Variants in CD36 observed in about 807,000 individuals in gnomAD.
CD36 encodes the protein platelet glycoprotein 4.
CD36 carries 119 observed loss-of-function variants against 55.2 expected under a neutral mutation model. The ratio of observed to expected loss-of-function variants is 2.15; its 90% CI spans 1.86 to 2.51. CD36 has a LOEUF of 2.51. CD36 is among the 30% of genes most tolerant of loss of function. CD36 has a pLI of 0.00. For missense variants in CD36, 819 were observed against 555.5 expected (o/e 1.47, Z -4.77); for synonymous variants, 186 against 193.6 (o/e 0.96, Z 0.33).
chr7:80,602,961 A>G (rs1013734062), intron 1 of CD36, among the ~76,000 whole-genome samples: 1 of 152,112 alleles, frequency 6.6e-6, no homozygotes, highest in African/African-American at 2.4e-5. Context: ...AATCTTAACA[A>G]TTTGACTCCT....
intron 12 of CD36, 165 bp downstream of exon 12, chr7:80,673,008 C>T: frequency 1.6e-6 from 1 of 630,208 alleles, no homozygotes; most frequent in Non-Finnish European, 2.9e-6. Context: ...ACTAATTTCA[C>T]AGATTTTGGA....
chr7:80,624,607 A>T (rs1793645855), intron 1 of CD36, among the ~76,000 whole-genome samples: 2 of 152,020 alleles, frequency 1.3e-5, no homozygotes, highest in Non-Finnish European at 2.9e-5. Context: ...GCCATCTTTT[A>T]TTCTTAGGAA....
intron 1 of CD36, among the ~76,000 whole-genome samples, chr7:80,626,567 T>C (rs920946735): frequency 1.3e-5 from 2 of 152,066 alleles, no homozygotes; most frequent in African/African-American, 4.8e-5. Context: ...ATCCAATTAA[T>C]AGATAAATTT....
At chr7:80,642,737 G>T (rs1387029868) in intron 1 of CD36, among the ~76,000 whole-genome samples, 1 of 152,062 alleles carries the variant, frequency 6.6e-6, no homozygotes, top group Non-Finnish European at 1.5e-5. Flanking sequence ...CAATCAATCA[G>T]TTGAAAATTT....
chr7:80,647,768 G>A (rs935667057), intron 3 of CD36, among the ~76,000 whole-genome samples: 5 of 152,140 alleles, frequency 3.3e-5, no homozygotes, highest in Admixed American at 6.5e-5. Context: ...ACTAGACTGT[G>A]TGTTTACTGC....
intron 1 of CD36, among the ~76,000 whole-genome samples, chr7:80,639,176 A>G (rs758717444): frequency 2.6e-5 from 4 of 151,946 alleles, no homozygotes; most frequent in Non-Finnish European, 5.9e-5. Flanking sequence ...CTAATATGCA[A>G]TTATTAACTA....
At chr7:80,645,304 G>A (rs969935278) in intron 1 of CD36, among the ~76,000 whole-genome samples, 4 of 151,060 alleles carry the variant, frequency 2.6e-5, no homozygotes, top group African/African-American at 7.3e-5. Context: ...ACAGGTGTGA[G>A]CCACCACGCC....
intron 1 of CD36, among the ~76,000 whole-genome samples, chr7:80,616,442 T>TGC (rs1417353462): frequency 8.2e-6 from 1 of 121,552 alleles, no homozygotes; most frequent in African/African-American, 3.3e-5. Context: ...TGTGTGTGTG[T>TGC]GTGTGTGCCT....
intron 1 of CD36, among the ~76,000 whole-genome samples, chr7:80,608,996 C>T (rs756372337): frequency 2.0e-5 from 3 of 151,126 alleles, no homozygotes; most frequent in Non-Finnish European, 4.4e-5. Flanking sequence ...TCTGGCCTTC[C>T]CTCCAATCCA....
intron 1 of CD36, among the ~76,000 whole-genome samples, chr7:80,643,754 G>T (rs977723000): frequency 2.6e-5 from 4 of 152,096 alleles, no homozygotes; most frequent in African/African-American, 9.7e-5. Context: ...CTCATTTTAC[G>T]CATGAGGAAA....
chr7:80,646,499 G>A (rs1391273482), intron 2 of CD36, 153 bp from the exon 3 acceptor site: 6 of 499,834 alleles, frequency 1.2e-5, no homozygotes, highest in South Asian at 6.4e-5. Context: ...AAAGGGAGAC[G>A]GACCGAGGAA....
rs1042984577 is a variant in CD36, at chr7:80,678,820, G to A, written c.*2437G>A. 6 of 150,292 alleles carry A rather than the reference G, an allele frequency of 4.0e-5. No individual in the cohort carries two copies. The highest frequency in any genetic ancestry group is 1.2e-4 in the African/African-American group (5 of 40,918). The allele number at this position is 150,292 out of a possible 1,614,324, so 9.3% of individuals were successfully genotyped here. ...GATCGCGTCACTGCACTCCAGCCTG[G>A]TGACAGAGCGAGATTCCATCTCAAA... On this transcript the variant is annotated 3_prime_UTR_variant, in exon 15 of 15. Transcript: ENST00000447544.
At chr7:80,653,301 G>A (rs1417430185) in intron 3 of CD36, among the ~76,000 whole-genome samples, 1 of 152,182 alleles carries the variant, frequency 6.6e-6, no homozygotes, top group East Asian at 1.9e-4. Context: ...TCTACTCCAT[G>A]CGTAGCAAAG....
In CD36 at chr7:80,651,449, C is replaced by A. The variant is rs74297415; in HGVS notation, c.120+4589C>A. Among the ~76,000 whole-genome samples, 1,269 of 151,648 alleles carry A rather than the reference C, an allele frequency of 8.4e-3. 55 individuals carry two copies. The East Asian group carries it at 0.1, about 12-fold the overall frequency. On this transcript the variant is annotated intron_variant, in intron 3 of 14. Coordinates refer to ENST00000447544, the MANE Select transcript of CD36 (RefSeq NM_001001548.3). ...TTCTATAGTTCTAACTATAGAACAC[C>A]AAAAAAGGAATTATAGGTTTCTTTG...
Position 80,644,022 on chromosome 7 carries a change from A to G in CD36, c.-183-2066A>G, listed in dbSNP as rs554375587. Among the ~76,000 whole-genome samples, 170 of 152,330 alleles carry G rather than the reference A, an allele frequency of 1.1e-3. 1 individual carries two copies. The highest frequency in any genetic ancestry group is 4.0e-3 in the African/African-American group (167 of 41,574). On this transcript the variant is annotated intron_variant, in intron 1 of 14. Coordinates refer to ENST00000447544, the MANE Select transcript of CD36 (RefSeq NM_001001548.3). ...ACAACATACAGAACACCAGCATGAC[A>G]TTCTCTAGTTGGCGATTACTGTGGT...
intron 1 of CD36, among the ~76,000 whole-genome samples, chr7:80,606,603 A>C (rs1251342482): frequency 1.3e-5 from 2 of 152,116 alleles, no homozygotes; most frequent in Non-Finnish European, 2.9e-5. Context: ...AGTCTCTTAG[A>C]TGTCTTTGCC....
Position 80,646,643 on chromosome 7 carries a change from T to C in CD36, c.-89-9T>C. The C allele has an allele frequency of 1.4e-6, 2 of 1,420,680 alleles. No homozygotes were observed. Among genetic ancestry groups the C allele is most frequent in the Non-Finnish European group, 2.0e-6 (2 of 1,005,872 alleles). The allele number at this position is 1,420,680 out of a possible 1,614,324, so 88.0% of individuals were successfully genotyped here. On this transcript the variant is annotated splice_polypyrimidine_tract_variant and intron_variant, in intron 2 of 14. Coordinates refer to ENST00000447544, the MANE Select transcript of CD36 (RefSeq NM_001001548.3). ...AAGCTTCTGTTTTATGATCTCTTTCTAATGATAGAACCAGAGCTTGTAGAA... is the reference window on the plus strand; with the variant it reads ...AAGCTTCTGTTTTATGATCTCTTTCCAATGATAGAACCAGAGCTTGTAGAA...
At chr7:80,629,897 C>G (rs77081334) in intron 1 of CD36, among the ~76,000 whole-genome samples, 1 of 41,714 alleles carries the variant, frequency 2.4e-5, no homozygotes, top group Non-Finnish European at 7.3e-5. Flanking sequence ...TCAATAGTAG[C>G]CTTTTTTTTT....
chr7:80,634,744 T>C (rs1794283253), upstream of CD36, among the ~76,000 whole-genome samples: 1 of 152,076 alleles, frequency 6.6e-6, no homozygotes, highest in African/African-American at 2.4e-5. Flanking sequence ...AATCAGCTTG[T>C]CCAAAAGTAC....
Sources: gnomAD v4.1 joint callset for allele counts (sites outside exome capture counted in the v4.1 genomes callset) on GRCh38, gnomAD v4.1.1 for gene constraint, MANE v1.5 for transcripts, NCBI Gene and HGNC (gene_info 2026-07-23, HGNC 2026-07-21) for gene names.